Variants in EED observed in about 807,000 individuals in gnomAD.
EED encodes embryonic ectoderm development, also known as polycomb protein EED.
A neutral mutation model predicts 61.0 loss-of-function variants in EED; 9 were observed. The ratio of observed to expected loss-of-function variants is 0.15; its 90% confidence interval spans 0.09 to 0.26. The LOEUF is 0.26. Among genes scored for constraint, EED ranks in the 10% least tolerant of loss-of-function variants. EED has a pLI of 1.00. For synonymous variants in EED, 187 were observed against 174.4 expected, an observed-to-expected ratio of 1.07 and a Z score of -0.57; for missense variants, 315 against 542.3, an observed-to-expected ratio of 0.58 and a Z score of 4.16.
intron 10 of EED, chr11:86,277,356 A>C (rs577254880): frequency 2.8e-6 from 1 of 362,044 alleles, no homozygotes; most frequent in Admixed American, 4.5e-5. Flanking sequence ...ACTTTAAATT[A>C]AGTTGGCAGT....
chr11:86,267,544 C>T (rs903477421), intron 8 of EED, among the ~76,000 whole-genome samples: 16 of 152,092 alleles, frequency 1.1e-4, no homozygotes, highest in Non-Finnish European at 2.9e-5. Context: ...AACAGTGTTG[C>T]CATTTAGTTT....
At chr11:86,255,702 C>G (rs1945651997) in intron 4 of EED, among the ~76,000 whole-genome samples, 1 of 148,170 alleles carries the variant, frequency 6.7e-6, no homozygotes, top group African/African-American at 2.5e-5. Flanking sequence ...AGTATTTGAT[C>G]AACGAAGCCT....
Position 86,260,369 on chromosome 11 carries a change from T to C in EED, c.634+2773T>C, listed in dbSNP as rs146725909. Among the ~76,000 whole-genome samples, 30 of 150,938 alleles carry C rather than the reference T, an allele frequency of 2.0e-4. No homozygotes were observed. In the East Asian group the frequency reaches 5.9e-3, roughly 29 times the overall value. ...ATCCTTCTGAGTAGCTGGGACTACA[T>C]GTGCACACCACCATGCCTGGCTAAT... On this transcript the variant is annotated intron_variant, in intron 6 of 11. Transcript: ENST00000263360.
intron 4 of EED, among the ~76,000 whole-genome samples, chr11:86,256,089 C>T (rs1341315324): frequency 2.0e-5 from 3 of 152,202 alleles, no homozygotes; most frequent in Non-Finnish European, 4.4e-5. Context: ...GTTTTGAACA[C>T]AACCATGCCC....
At chr11:86,255,117 TGTA>T in intron 3 of EED, 102 bp from the exon 4 acceptor site, 2 of 837,638 alleles carry the variant, frequency 2.4e-6, no homozygotes, top group Non-Finnish European at 3.7e-6. Flanking sequence ...CAGTAGTTTC[TGTA>T]GTATATTTAA....
intron 2 of EED, 107 bp downstream of exon 2, chr11:86,250,555 A>C (rs977700014): frequency 2.3e-6 from 3 of 1,279,176 alleles, no homozygotes; most frequent in Admixed American, 3.3e-5. Flanking sequence ...TAAATATTTT[A>C]AAGTTACAAT....
chr11:86,259,812 C>T (rs1010730346), intron 6 of EED, among the ~76,000 whole-genome samples: 1 of 152,184 alleles, frequency 6.6e-6, no homozygotes, highest in Non-Finnish European at 1.5e-5. Context: ...CACTTCACAC[C>T]TACTTAGGGT....
chr11:86,267,169 G>C (rs978793002), intron 8 of EED, among the ~76,000 whole-genome samples: 2 of 152,012 alleles, frequency 1.3e-5, no homozygotes, highest in African/African-American at 2.4e-5. Flanking sequence ...TTTTCTTTGA[G>C]AGAGGTTTGG....
chr11:86,283,758 T>A (rs1946350175), downstream of EED, among the ~76,000 whole-genome samples: 1 of 150,194 alleles, frequency 6.7e-6, no homozygotes, highest in Non-Finnish European at 1.5e-5. Flanking sequence ...TACCAGAATG[T>A]GGCACAGAGA....
chr11:86,266,352 T>C (rs565277575), intron 8 of EED, 136 bp downstream of exon 8: 480 of 699,738 alleles, frequency 6.9e-4, no homozygotes, highest in Non-Finnish European at 8.3e-4. Context: ...ACAATTTACA[T>C]ACTGTAAAAT....
At chr11:86,273,058 C>T (rs1946153212) in intron 9 of EED, among the ~76,000 whole-genome samples, 1 of 152,140 alleles carries the variant, frequency 6.6e-6, no homozygotes, top group African/African-American at 2.4e-5. Context: ...AAATCTCACT[C>T]AGTCACCCAG....
chr11:86,274,323 C>A (rs937458486), intron 9 of EED, among the ~76,000 whole-genome samples: 3 of 152,134 alleles, frequency 2.0e-5, no homozygotes, highest in African/African-American at 7.2e-5. Context: ...GATCTGACAT[C>A]CATGTTATCT....
chr11:86,257,646 A>G (rs1369974505), intron 6 of EED, 50 bp downstream of exon 6: 3 of 1,482,444 alleles, frequency 2.0e-6, no homozygotes, highest in Admixed American at 1.8e-5. Context: ...CAGAATTAAG[A>G]TGGAGTCACT....
chr11:86,255,658 T>C (rs534330071), intron 4 of EED, among the ~76,000 whole-genome samples: 2 of 151,982 alleles, frequency 1.3e-5, no homozygotes, highest in East Asian at 1.9e-4. Context: ...GTAGTTATAA[T>C]GATGAACTTG....
intron 6 of EED, among the ~76,000 whole-genome samples, chr11:86,258,678 C>G (rs966248561): frequency 6.6e-6 from 1 of 150,848 alleles, no homozygotes. Context: ...GCCTCAGCCT[C>G]TCGAGTAGCT....
chr11:86,263,102 T>C (rs1945878444), intron 6 of EED, among the ~76,000 whole-genome samples: 1 of 152,164 alleles, frequency 6.6e-6, no homozygotes, highest in Non-Finnish European at 1.5e-5. Flanking sequence ...CATCACACCC[T>C]GCCAACAGGG....
chr11:86,248,552 G>C (rs1355756961), intron 1 of EED, among the ~76,000 whole-genome samples: 1 of 152,124 alleles, frequency 6.6e-6, no homozygotes, highest in African/African-American at 2.4e-5. Flanking sequence ...ATACAGTAAT[G>C]GTTAACCCGC....
chr11:86,255,336 C>A (rs1381272954), intron 4 of EED, 49 bp downstream of exon 4: 1 of 1,424,184 alleles, frequency 7.0e-7, no homozygotes, highest in Non-Finnish European at 9.7e-7. Context: ...AATTTATTTT[C>A]AATAAGTGCA....
rs1393620668 is a variant in EED, at chr11:86,250,513, G to A, written c.267+65G>A. The A allele has an allele frequency of 1.4e-5, 20 of 1,421,314 alleles. 1 individual carries two copies. The South Asian group carries it at 2.0e-4, about 14-fold the overall frequency. The allele number at this position is 1,421,314 out of a possible 1,614,324, so 88.0% of individuals were successfully genotyped here. On this transcript the variant is annotated intron_variant, in intron 2 of 11. Coordinates refer to ENST00000263360, the MANE Select transcript of EED (RefSeq NM_003797.5). ...TTCAGAAATTATTTCTCTGTGGCAC[G>A]CATTTCGTACTCAGGATACTCTGTC...
Sources: gnomAD v4.1 joint callset for allele counts (sites outside exome capture counted in the v4.1 genomes callset) on GRCh38, gnomAD v4.1.1 for gene constraint, MANE v1.5 for transcripts, NCBI Gene and HGNC (gene_info 2026-07-23, HGNC 2026-07-21) for gene names.